Variants in HGSNAT observed in about 807,000 individuals in gnomAD.
HGSNAT encodes heparan-alpha-glucosaminide N-acetyltransferase.
In HGSNAT, 59 loss-of-function variants were observed where a neutral mutation model predicts 85.2. That is an observed-to-expected ratio of 0.69 (90% CI 0.56 to 0.86). The LOEUF (loss-of-function observed/expected upper bound fraction) is 0.86, where lower values mean the gene tolerates loss of function less well. Ranked by LOEUF, HGSNAT falls within the 40% of genes least tolerant of loss-of-function variation. The pLI is 0.00. For synonymous variants in HGSNAT, 321 were observed against 304.5 expected (o/e 1.05, Z -0.56); for missense variants, 756 against 777.1 (o/e 0.97, Z 0.32).
intron 1 of HGSNAT, among the ~76,000 whole-genome samples, chr8:43,142,205 C>T (rs1033097516): frequency 6.6e-6 from 1 of 152,158 alleles, no homozygotes; most frequent in Non-Finnish European, 1.5e-5. Flanking sequence ...ACATTTATCC[C>T]CGCACCATTG....
intron 5 of HGSNAT, among the ~76,000 whole-genome samples, chr8:43,167,628 T>C (rs78941554): frequency 0.037 from 5,705 of 152,176 alleles, 325 homozygotes; most frequent in African/African-American, 0.12. Flanking sequence ...TTTGTGAGAG[T>C]CACTGTATTG....
chr8:43,188,741 T>A (rs1804415156), intron 11 of HGSNAT, among the ~76,000 whole-genome samples: 1 of 152,224 alleles, frequency 6.6e-6, no homozygotes. Context: ...TTTTTAGAAT[T>A]TTCAGCTTTT....
chr8:43,151,757 C>T (rs563390204), intron 2 of HGSNAT, among the ~76,000 whole-genome samples: 4 of 152,222 alleles, frequency 2.6e-5, no homozygotes, highest in South Asian at 2.1e-4. Context: ...ATAATAAAGA[C>T]GATGGTAATA....
chr8:43,194,126 A>C, intron 14 of HGSNAT: 1 of 1,181,888 alleles, frequency 8.5e-7, no homozygotes, highest in Non-Finnish European at 1.1e-6. Flanking sequence ...GCCAAGCTGC[A>C]GTGGCTCATG....
intron 2 of HGSNAT, among the ~76,000 whole-genome samples, chr8:43,155,851 CT>C (rs956856378): frequency 6.8e-6 from 1 of 148,102 alleles, no homozygotes; most frequent in Non-Finnish European, 1.5e-5. Flanking sequence ...TTTTTTTTTT[CT>C]TTTTTTAAGA....
chr8:43,145,266 C>T (rs923146147), intron 1 of HGSNAT, among the ~76,000 whole-genome samples: 2 of 152,130 alleles, frequency 1.3e-5, no homozygotes, highest in African/African-American at 4.8e-5. Flanking sequence ...CCTAGGGCAT[C>T]CTTCCTTCTA....
At chr8:43,177,288 T>C (rs1180829404) in intron 9 of HGSNAT, among the ~76,000 whole-genome samples, 2 of 151,990 alleles carry the variant, frequency 1.3e-5, no homozygotes, top group African/African-American at 2.4e-5. Context: ...TGGTGGCTCA[T>C]GCCTGTAATC....
At chr8:43,144,264 G>T (rs1043606292) in intron 1 of HGSNAT, among the ~76,000 whole-genome samples, 2 of 150,872 alleles carry the variant, frequency 1.3e-5, no homozygotes, top group Non-Finnish European at 2.9e-5. Flanking sequence ...GGTTGAGGCT[G>T]CAGTGGGCCG....
intron 11 of HGSNAT, among the ~76,000 whole-genome samples, chr8:43,187,182 A>G (rs1232862405): frequency 1.3e-5 from 2 of 152,294 alleles, no homozygotes; most frequent in South Asian, 2.1e-4. Flanking sequence ...GCTGAGTTCA[A>G]TTCCTGGATA....
At chr8:43,152,811 A>C (rs1184371052) in intron 2 of HGSNAT, among the ~76,000 whole-genome samples, 2 of 152,156 alleles carry the variant, frequency 1.3e-5, no homozygotes, top group Non-Finnish European at 2.9e-5. Context: ...ATAGCCAATA[A>C]CCATTGATAT....
intron 11 of HGSNAT, among the ~76,000 whole-genome samples, chr8:43,190,089 G>A (rs1401123549): frequency 6.6e-6 from 1 of 152,150 alleles, no homozygotes; most frequent in African/African-American, 2.4e-5. Context: ...GTAGGGCATG[G>A]GAGAGTGATG....
chr8:43,187,795 C>A (rs903125482), intron 11 of HGSNAT, among the ~76,000 whole-genome samples: 3 of 152,116 alleles, frequency 2.0e-5, no homozygotes, highest in African/African-American at 7.2e-5. Context: ...TGTTCCTTTC[C>A]ATGTTTAGTG....
chr8:43,173,835 A>G, intron 9 of HGSNAT, 92 bp downstream of exon 9: 4 of 1,345,860 alleles, frequency 3.0e-6, no homozygotes, highest in South Asian at 2.5e-5. Flanking sequence ...TGAGACGGGC[A>G]TGTGTTATGT....
intron 1 of HGSNAT, among the ~76,000 whole-genome samples, chr8:43,143,016 TAC>T (rs1456559403): frequency 6.6e-6 from 1 of 152,162 alleles, no homozygotes. Context: ...GGAAAAAGTC[TAC>T]AGAGAGTGAC....
At chr8:43,155,925 C>T (rs1803078323) in intron 2 of HGSNAT, among the ~76,000 whole-genome samples, 1 of 151,942 alleles carries the variant, frequency 6.6e-6, no homozygotes, top group Admixed American at 6.6e-5. Flanking sequence ...ACTGCAGCCT[C>T]TGTCTTCCGG....
chr8:43,155,652 C>T (rs551318680), intron 2 of HGSNAT, among the ~76,000 whole-genome samples: 4 of 152,248 alleles, frequency 2.6e-5, no homozygotes, highest in South Asian at 2.1e-4. Context: ...CAGTGTCATG[C>T]AATGTTTCCC....
intron 2 of HGSNAT, among the ~76,000 whole-genome samples, chr8:43,152,131 A>C (rs1039646234): frequency 2.0e-5 from 3 of 152,248 alleles, no homozygotes; most frequent in South Asian, 2.1e-4. Context: ...TCTCTACTAA[A>C]AATACAAAAA....
Position 43,199,995 on chromosome 8 carries a change from T to C in HGSNAT, c.*426T>C. ...CACCAACACGAAATGCCATCACTCC[T>C]ACTGCGGCTGCTATGAAGCTTACTG... On this transcript the variant is annotated 3_prime_UTR_variant, in exon 18 of 18. Coordinates refer to ENST00000379644, the MANE Select transcript of HGSNAT (RefSeq NM_152419.3). The C allele has an allele frequency of 6.5e-6, 1 of 154,292 alleles. No homozygotes were observed. Among genetic ancestry groups the C allele is most frequent in the Non-Finnish European group, 1.4e-5 (1 of 69,456 alleles). 9.6% of individuals were successfully genotyped at this position (154,292 alleles called of 1,614,324 possible).
chr8:43,148,665 C>G (rs574975720), intron 2 of HGSNAT, among the ~76,000 whole-genome samples: 2 of 151,302 alleles, frequency 1.3e-5, no homozygotes, highest in Non-Finnish European at 2.9e-5. Context: ...TAGCAGGTGC[C>G]TGTAATCACA....
Sources: allele counts gnomAD v4.1 joint callset (sites outside exome capture counted in the v4.1 genomes callset), GRCh38; gene constraint gnomAD v4.1.1; transcripts MANE v1.5; gene names NCBI Gene and HGNC (gene_info 2026-07-23, HGNC 2026-07-21).